FHIT: variants seen among roughly 807,000 people sequenced by gnomAD.
FHIT encodes bis(5'-adenosyl)-triphosphatase.
A neutral mutation model predicts 17.9 loss-of-function variants in FHIT; 19 were observed. The observed-to-expected ratio is 1.06, with a 90% CI of 0.74 to 1.56. The LOEUF (loss-of-function observed/expected upper bound fraction) is 1.56. Ranked by LOEUF, FHIT falls within the 40% of genes most tolerant of loss-of-function variation. The probability of loss-of-function intolerance (pLI) is 0.00; values close to 1 mark genes in which losing one functional copy is unlikely to be tolerated. For synonymous variants in FHIT, 81 were observed against 69.7 expected (o/e 1.16, Z -0.81); for missense variants, 248 against 189.2 (o/e 1.31, Z -1.82).
At chr3:60,092,436 T>C (rs1339414386) in intron 5 of FHIT, among the ~76,000 whole-genome samples, 1 of 152,196 alleles carries the variant, frequency 6.6e-6, no homozygotes, top group Non-Finnish European at 1.5e-5. Flanking sequence ...ATCTACATAG[T>C]ACTTTAGAGG....
intron 4 of FHIT, among the ~76,000 whole-genome samples, chr3:60,663,427 A>T (rs1577043349): frequency 6.7e-6 from 1 of 149,728 alleles, no homozygotes; most frequent in Admixed American, 6.7e-5. Flanking sequence ...ACCTGTTTTT[A>T]TTTACTTATT....
At chr3:60,721,232 T>C (rs1268949651) in intron 4 of FHIT, among the ~76,000 whole-genome samples, 1 of 152,064 alleles carries the variant, frequency 6.6e-6, no homozygotes, top group Non-Finnish European at 1.5e-5. Context: ...GTATTTGGAG[T>C]GTCAAGAGAC....
intron 3 of FHIT, among the ~76,000 whole-genome samples, chr3:60,891,767 C>T (rs1705526628): frequency 6.7e-6 from 1 of 150,066 alleles, no homozygotes; most frequent in Non-Finnish European, 1.5e-5. Context: ...CAATTTATTA[C>T]AATTTATTAC....
chr3:60,992,096 T>C (rs1045903165), intron 3 of FHIT, among the ~76,000 whole-genome samples: 3 of 152,174 alleles, frequency 2.0e-5, no homozygotes, highest in Admixed American at 6.5e-5. Flanking sequence ...CTCACAAATA[T>C]GTTGATTGAG....
intron 5 of FHIT, among the ~76,000 whole-genome samples, chr3:60,046,734 A>G (rs1020307015): frequency 2.0e-5 from 3 of 152,232 alleles, no homozygotes; most frequent in Admixed American, 1.3e-4. Flanking sequence ...TTTTGTCTGT[A>G]AACAGTGGGC....
intron 5 of FHIT, among the ~76,000 whole-genome samples, chr3:60,249,586 C>T (rs1264377050): frequency 1.3e-5 from 2 of 151,444 alleles, no homozygotes; most frequent in African/African-American, 4.9e-5. Context: ...TCCTACAAGA[C>T]ATGAATGGAC....
At chr3:60,744,246 T>TTAA (rs2042297546) in intron 4 of FHIT, among the ~76,000 whole-genome samples, 1 of 30,920 alleles carries the variant, frequency 3.2e-5, no homozygotes, top group Non-Finnish European at 5.3e-5. Context: ...GGAAGTAATG[T>TTAA]AAAAAAAAAA....
At chr3:60,537,909 G>A (rs2036044717) in intron 4 of FHIT, among the ~76,000 whole-genome samples, 1 of 151,982 alleles carries the variant, frequency 6.6e-6, no homozygotes, top group African/African-American at 2.4e-5. Context: ...TCAATCTACA[G>A]AAAAACAGAG....
intron 8 of FHIT, among the ~76,000 whole-genome samples, chr3:59,809,724 G>A (rs1700340219): frequency 6.6e-6 from 1 of 152,164 alleles, no homozygotes. Flanking sequence ...TTGTTTGCTT[G>A]TTTCCAGGAG....
At chr3:60,694,638 A>C (rs2041072787) in intron 4 of FHIT, among the ~76,000 whole-genome samples, 1 of 152,236 alleles carries the variant, frequency 6.6e-6, no homozygotes, top group Non-Finnish European at 1.5e-5. Context: ...GGCACTATTC[A>C]CAATAGCAAA....
At chr3:60,362,476 C>G (rs1406725050) in intron 5 of FHIT, among the ~76,000 whole-genome samples, 1 of 151,962 alleles carries the variant, frequency 6.6e-6, no homozygotes, top group Admixed American at 6.6e-5. Context: ...CTTTTTGTTT[C>G]TAGCAAGCAT....
intron 5 of FHIT, among the ~76,000 whole-genome samples, chr3:60,210,614 A>G (rs1255147619): frequency 1.3e-5 from 2 of 152,168 alleles, no homozygotes; most frequent in Non-Finnish European, 2.9e-5. Flanking sequence ...TAGCTCATAA[A>G]TAAATGCAAA....
intron 5 of FHIT, among the ~76,000 whole-genome samples, chr3:60,169,628 G>A (rs1453900570): frequency 6.6e-6 from 1 of 152,174 alleles, no homozygotes. Flanking sequence ...ATAATCCTGA[G>A]TATATTTTGG....
intron 2 of FHIT, among the ~76,000 whole-genome samples, chr3:61,043,949 A>G (rs2033655493): frequency 6.6e-6 from 1 of 152,188 alleles, no homozygotes; most frequent in Non-Finnish European, 1.5e-5. Context: ...ACAAACAGAA[A>G]GGACATCCAC....
intron 5 of FHIT, among the ~76,000 whole-genome samples, chr3:60,045,045 A>G (rs1170134706): frequency 6.6e-6 from 1 of 152,076 alleles, no homozygotes; most frequent in African/African-American, 2.4e-5. Flanking sequence ...AAAAACAGCA[A>G]AAAAAAGAAA....
Position 61,211,821 on chromosome 3 carries a change from C to T in FHIT, c.-212-11156G>A, listed in dbSNP as rs371559294. On this transcript the variant is annotated intron_variant, in intron 1 of 9. Transcript: ENST00000492590. ...CTCTGAGACAAAACTTCCAGAGGAACGATCAGACAGCAGCATTCGCGGTTC... is the reference window on the plus strand; with the variant it reads ...CTCTGAGACAAAACTTCCAGAGGAATGATCAGACAGCAGCATTCGCGGTTC... Among the ~76,000 whole-genome samples the T allele has an allele frequency of 7.9e-5, 12 of 152,308 alleles. No individual in the cohort carries two copies. The South Asian group carries it at 2.1e-3, about 26-fold the overall frequency.
intron 9 of FHIT, chr3:59,750,941 G>C (rs1218106975): frequency 5.3e-6 from 1 of 189,438 alleles, no homozygotes; most frequent in Non-Finnish European, 1.1e-5. Context: ...ATTTGTGTCT[G>C]ATCTACTTCT....
intron 5 of FHIT, among the ~76,000 whole-genome samples, chr3:60,287,686 G>A (rs1005483723): frequency 6.6e-6 from 1 of 152,148 alleles, no homozygotes; most frequent in African/African-American, 2.4e-5. Flanking sequence ...CAAGTATTAT[G>A]TGCATATAGC....
intron 8 of FHIT, among the ~76,000 whole-genome samples, chr3:59,772,844 C>T (rs561982295): frequency 4.6e-5 from 7 of 152,022 alleles, no homozygotes; most frequent in South Asian, 2.1e-4. Context: ...TGGTGGTCAG[C>T]GAATATCGAG....
Sources: allele counts gnomAD v4.1 joint callset (sites outside exome capture counted in the v4.1 genomes callset), GRCh38; gene constraint gnomAD v4.1.1; transcripts MANE v1.5; gene names NCBI Gene and HGNC (gene_info 2026-07-23, HGNC 2026-07-21).